COL27A1: variants seen among roughly 807,000 people sequenced by gnomAD.
The protein encoded by COL27A1 is collagen type XXVII alpha 1 chain.
In COL27A1, 106 loss-of-function variants were observed where a neutral mutation model predicts 251.3. That is an observed-to-expected ratio of 0.42 (90% confidence interval 0.36 to 0.50). COL27A1 has a LOEUF of 0.50. Among genes scored for constraint, COL27A1 ranks in the 20% least tolerant of loss-of-function variants. COL27A1 has a pLI of 0.00. For missense variants in COL27A1, 2,325 were observed against 2,522.8 expected, an observed-to-expected ratio of 0.92 and a Z score of 1.68; for synonymous variants, 1,000 against 986.3, an observed-to-expected ratio of 1.01 and a Z score of -0.26.
intron 27 of COL27A1, among the ~76,000 whole-genome samples, chr9:114,256,333 A>C (rs986395667): frequency 6.6e-6 from 1 of 152,128 alleles, no homozygotes; most frequent in African/African-American, 2.4e-5. Context: ...CTACTAAAAA[A>C]CAGAAAAAAA....
At chr9:114,175,842 T>C (rs1260829206) in intron 3 of COL27A1, among the ~76,000 whole-genome samples, 1 of 152,200 alleles carries the variant, frequency 6.6e-6, no homozygotes, top group Admixed American at 6.5e-5. Context: ...GCCTTCTCTG[T>C]GAGATGGGAA....
In COL27A1 at chr9:114,157,106, A is replaced by ACACACACGCG. The variant is rs142812937; in HGVS notation, c.62+1095_62+1096insACACACGCGC. Among the ~76,000 whole-genome samples, 1,279 of 147,930 alleles carry ACACACACGCG rather than the reference A, an allele frequency of 8.6e-3. 45 individuals carry two copies. The highest frequency in any genetic ancestry group is 0.05 in the Admixed American group (736 of 14,854). ...CACACACACACACACACACACACATACGCGCGCGCGGCACCAGTGAGCACA... is the reference window on the plus strand; with the variant it reads ...CACACACACACACACACACACACATACACACACGCGCGCGCGCGCGGCACCAGTGAGCACA... On this transcript the variant is annotated intron_variant, in intron 1 of 60. Coordinates refer to ENST00000356083, the MANE Select transcript of COL27A1 (RefSeq NM_032888.4).
At chr9:114,273,141 GCCCTTTGTTGAAAA>G (rs1331808430) in intron 36 of COL27A1, 1 of 152,170 alleles carries the variant, frequency 6.6e-6, no homozygotes, top group African/African-American at 2.4e-5. Context: ...CCAGGTGAGG[GCCCTTTGTTGAAAA>G]CCCGACTAGC....
At chr9:114,245,446 C>T (rs1271553461) in intron 23 of COL27A1, among the ~76,000 whole-genome samples, 4 of 152,100 alleles carry the variant, frequency 2.6e-5, no homozygotes, top group Admixed American at 6.5e-5. Context: ...CGTGAGCCAC[C>T]GCACCTGGCC....
rs145207937 is a variant in COL27A1 at position 114,163,280 on chromosome 9, G to A, written c.133+495G>A. 1.5e-3 allele frequency among the ~76,000 whole-genome samples: 224 copies of A among 152,216 alleles called. 2 individuals are homozygous for A. In the South Asian group the frequency reaches 0.026, roughly 18 times the overall value. ...GAAGTTTTTGTAAAAGGGTAGGAAG[G>A]ACTCTGTGCAGAAATGTGGAAGGGT... On this transcript the variant is annotated intron_variant, in intron 2 of 60. Transcript: ENST00000356083.
rs557236636 is a variant in COL27A1 at position 114,254,316 on chromosome 9, C to T, written c.3141+1384C>T. On this transcript the variant is annotated intron_variant, in intron 27 of 60. Coordinates refer to ENST00000356083, the MANE Select transcript of COL27A1 (RefSeq NM_032888.4). ...GGCTGGGAGAGCTGGGGGAAGGGTGCGGCCAGGAGCACTCAAGTTCAAGAG... is the reference window on the plus strand; with the variant it reads ...GGCTGGGAGAGCTGGGGGAAGGGTGTGGCCAGGAGCACTCAAGTTCAAGAG... Among the ~76,000 whole-genome samples, 2 of 147,636 alleles carry T rather than the reference C, an allele frequency of 1.4e-5. 1 individual carries two copies. The highest frequency in any genetic ancestry group is 3.0e-5 in the Non-Finnish European group (2 of 67,530).
chr9:114,198,726 CCA>C (rs1588640487), intron 7 of COL27A1, among the ~76,000 whole-genome samples: 1 of 152,254 alleles, frequency 6.6e-6, no homozygotes, highest in East Asian at 1.9e-4. Context: ...TGTTTCTCTG[CCA>C]CCGCCTGAGA....
Position 114,216,102 on chromosome 9 carries a change from G to T in COL27A1, c.2368-3689G>T, listed in dbSNP as rs1467140711. Among the ~76,000 whole-genome samples the T allele has an allele frequency of 2.0e-5, 3 of 152,364 alleles. No homozygotes were observed. In the South Asian group the frequency reaches 6.2e-4, roughly 32 times the overall value. On this transcript the variant is annotated intron_variant, in intron 12 of 60. Coordinates refer to ENST00000356083, the MANE Select transcript of COL27A1 (RefSeq NM_032888.4). ...GTGGCGAGGACCGTCCCTGTCCTCA[G>T]CTCTATTCCTCTGAGTTGTTGTGGC...
Position 114,167,794 on chromosome 9 carries a change from C to T in COL27A1, c.239C>T (p.Ala80Val). ...FQSGFIFTQR[A>V]RLQAPTGTVI... ...TCGGGCTTCATCTTTACGCAGCGGG[C>T]CCGGCTCCAGGCTCCCACGGGCACC... Residue 80 changes from alanine (A) to valine (V), a missense_variant, in exon 3 of 61, where the codon GCC (alanine) becomes GTC (valine). Physicochemically the swap from Ala to Val is moderately conservative, Grantham distance 64 (BLOSUM62 0). Around this residue, in one of 4 missense-constraint regions of COL27A1, gnomAD observed 1,183 missense variants for 1,144.1 expected, o/e 1.03. Transcript: ENST00000356083. 6.2e-7 allele frequency: 1 copy of T among 1,613,542 alleles called. No homozygotes were observed. The highest frequency in any genetic ancestry group is 8.5e-7 in the Non-Finnish European group (1 of 1,179,996).
chr9:114,204,638 G>A (rs2135295675), intron 7 of COL27A1, among the ~76,000 whole-genome samples: 1 of 152,234 alleles, frequency 6.6e-6, no homozygotes, highest in African/African-American at 2.4e-5. Flanking sequence ...TTATGAGAAG[G>A]GGCAGGTCTT....
intron 14 of COL27A1, among the ~76,000 whole-genome samples, chr9:114,225,366 C>T (rs889142725): frequency 6.6e-6 from 1 of 152,218 alleles, no homozygotes; most frequent in African/African-American, 2.4e-5. Flanking sequence ...CCTTGTGGTT[C>T]CTTCATGCTG....
Position 114,298,150 on chromosome 9 carries a change from A to AG in COL27A1, c.4585-1919dup, listed in dbSNP as rs1554827212. ...ACCCCATCTTAAAAAAAAAAAAAAA[A>AG]GTACAAGATATGTTCAGTGAAAATT... On this transcript the variant is annotated intron_variant, in intron 49 of 60. Coordinates refer to ENST00000356083, the MANE Select transcript of COL27A1 (RefSeq NM_032888.4). Among the ~76,000 whole-genome samples, 1,430 of 146,558 alleles carry AG rather than the reference A, an allele frequency of 9.8e-3. 21 individuals are homozygous for AG. Among genetic ancestry groups the AG allele is most frequent in the African/African-American group, 0.035 (1,371 of 39,620 alleles).
chr9:114,155,373 G>T (rs1294505237), upstream of COL27A1, among the ~76,000 whole-genome samples: 7 of 152,232 alleles, frequency 4.6e-5, no homozygotes, highest in Admixed American at 2.6e-4. This position sits in a 1 kb window ranked among gnomAD's most constrained non-coding sequence, Gnocchi z 5.5. Context: ...AGGGGGGCGG[G>T]TGTCCCATCG....
chr9:114,160,692 A>G (rs1848441048), intron 1 of COL27A1, among the ~76,000 whole-genome samples: 1 of 152,130 alleles, frequency 6.6e-6, no homozygotes, highest in Admixed American at 6.6e-5. Flanking sequence ...ATGAAAAAAA[A>G]AAAAAGAGTG....
At chr9:114,198,954 G>A (rs112389338) in intron 7 of COL27A1, among the ~76,000 whole-genome samples, 55 of 152,272 alleles carry the variant, frequency 3.6e-4, no homozygotes, top group African/African-American at 1.1e-3. Context: ...GCTGGCACAC[G>A]GCTGGCACTT....
intron 57 of COL27A1, chr9:114,306,250 C>A: frequency 2.8e-6 from 1 of 353,846 alleles, no homozygotes; most frequent in Non-Finnish European, 5.2e-6. Flanking sequence ...CTACCTCATT[C>A]ACGGGGCTCT....
At chr9:114,276,048 AC>A (rs1162336520) in intron 37 of COL27A1, among the ~76,000 whole-genome samples, 1 of 151,826 alleles carries the variant, frequency 6.6e-6, no homozygotes, top group Non-Finnish European at 1.5e-5. Flanking sequence ...GACACACTAA[AC>A]TTTTTTCAGT....
At chr9:114,266,102 G>A (rs1432862958) in intron 32 of COL27A1, among the ~76,000 whole-genome samples, 1 of 152,134 alleles carries the variant, frequency 6.6e-6, no homozygotes, top group Non-Finnish European at 1.5e-5. Flanking sequence ...TCTCCAGGGG[G>A]CTAGAAGGAT....
rs757634314 is a variant in COL27A1, at chr9:114,288,956, C to G, written c.4141C>G (p.Gln1381Glu). 1 of 1,613,700 alleles carries G rather than the reference C, an allele frequency of 6.2e-7. No individual in the cohort carries two copies. Among genetic ancestry groups the G allele is most frequent in the Non-Finnish European group, 8.5e-7 (1 of 1,180,004 alleles). The stretch of plus-strand genomic sequence containing the variant: ...AGGCCTCCGTGGAAAGCCAGGCCAG[C>G]AGGGCCAACCCGTGAGTGGTGCTTC... ...VQGLRGKPGQ[Q>E]GQPGHPGPRG... Residue 1381 changes from glutamine to glutamate, a missense_variant, in exon 44 of 61, where the codon CAG becomes GAG. By Grantham distance (29) the Gln-to-Glu change is conservative. Coordinates refer to ENST00000356083, the MANE Select transcript of COL27A1 (RefSeq NM_032888.4).
Sources: gnomAD v4.1 joint callset for allele counts (sites outside exome capture counted in the v4.1 genomes callset) on GRCh38, gnomAD v4.1.1 for gene constraint, gnomAD v4.1.1 regional missense constraint, Gnocchi (gnomAD v3.1) non-coding constraint, MANE v1.5 for transcripts, NCBI Gene and HGNC (gene_info 2026-07-23, HGNC 2026-07-21) for gene names.